The following BOLL variants were observed in gnomAD, a reference collection of about 807,000 sequenced individuals.
The protein encoded by BOLL is protein boule-like.
A neutral mutation model predicts 44.4 loss-of-function variants in BOLL; 23 were observed. The observed-to-expected ratio is 0.52, with a 90% CI of 0.37 to 0.73. The LOEUF is 0.73. Among genes scored for constraint, BOLL ranks in the 30% least tolerant of loss-of-function variants. The probability of loss-of-function intolerance (pLI) is 0.00; values close to 1 mark genes in which losing one functional copy is unlikely to be tolerated. For missense variants in BOLL, 287 were observed against 338.3 expected (o/e 0.85, Z 1.19); for synonymous variants, 97 against 110.8 (o/e 0.88, Z 0.78).
intron 9 of BOLL, among the ~76,000 whole-genome samples, chr2:197,752,264 AC>A (rs1688297191): frequency 2.0e-5 from 3 of 152,200 alleles, no homozygotes; most frequent in African/African-American, 7.2e-5. Context: ...TTCTCTCATC[AC>A]TCCTATTCAA....
intron 7 of BOLL, among the ~76,000 whole-genome samples, chr2:197,764,075 A>G (rs1688881958): frequency 6.6e-6 from 1 of 152,228 alleles, no homozygotes; most frequent in South Asian, 2.1e-4. Context: ...GGGAACTCTT[A>G]TACACTGTTA....
intron 10 of BOLL, among the ~76,000 whole-genome samples, chr2:197,734,543 A>C (rs969822135): frequency 1.3e-5 from 2 of 152,196 alleles, no homozygotes; most frequent in Non-Finnish European, 2.9e-5. Context: ...ACAATAGCAA[A>C]GACTTGGAAC....
In BOLL at chr2:197,749,437, C is replaced by T. The variant is rs928010413; in HGVS notation, c.730-6278G>A. Reference sequence around the variant, plus strand: ...TTCAGAGGTGGGTAATAAACTCTTCCGAGCTAAAGGCGCATGTTCTAACCC... The same window carrying T: ...TTCAGAGGTGGGTAATAAACTCTTCTGAGCTAAAGGCGCATGTTCTAACCC... On this transcript the variant is annotated intron_variant, in intron 9 of 10. Coordinates refer to ENST00000392296, the MANE Select transcript of BOLL (RefSeq NM_033030.6). 5.3e-5 allele frequency among the ~76,000 whole-genome samples: 8 copies of T among 151,848 alleles called. No homozygotes were observed. In the East Asian group the frequency reaches 1.2e-3, roughly 22 times the overall value.
At chr2:197,783,000 A>G (rs1689862449) in intron 1 of BOLL, among the ~76,000 whole-genome samples, 2 of 152,176 alleles carry the variant, frequency 1.3e-5, no homozygotes, top group African/African-American at 4.8e-5. Flanking sequence ...CTTTTAAGGT[A>G]TAACTGAAAA....
chr2:197,770,110 G>A lies in BOLL; in HGVS notation c.480+1745C>T, dbSNP rs539999561. Among the ~76,000 whole-genome samples the A allele has an allele frequency of 3.3e-5, 5 of 152,224 alleles. No individual in the cohort carries two copies. In the East Asian group the frequency reaches 7.7e-4, roughly 23 times the overall value. ...AGCTGACTTCAAACTATACTACAAG[G>A]CTACAGTAACCAAAACAGCATAGTA... On this transcript the variant is annotated intron_variant, in intron 6 of 10. Transcript: ENST00000392296.
At chr2:197,772,265 A>G (rs1689301647) in intron 5 of BOLL, among the ~76,000 whole-genome samples, 1 of 152,082 alleles carries the variant, frequency 6.6e-6, no homozygotes, top group Non-Finnish European at 1.5e-5. Context: ...TTCCAACACC[A>G]GTATGCTACA....
At chr2:197,777,211 C>A in intron 3 of BOLL, 98 bp from the exon 4 acceptor site, 1 of 731,470 alleles carries the variant, frequency 1.4e-6, no homozygotes, top group Non-Finnish European at 2.0e-6. Context: ...AAATCATCGG[C>A]CACTGTAGGA....
intron 7 of BOLL, chr2:197,759,028 T>C: frequency 6.5e-7 from 1 of 1,529,564 alleles, no homozygotes; most frequent in Non-Finnish European, 8.8e-7. Context: ...AAGAGAGGCA[T>C]GATGTCAGCA....
intron 8 of BOLL, 86 bp from the exon 9 acceptor site, chr2:197,756,642 A>G (rs1282213493): frequency 7.7e-7 from 1 of 1,304,178 alleles, no homozygotes; most frequent in Non-Finnish European, 1.0e-6. Flanking sequence ...TGAGAGAAGT[A>G]CTTGTTTTTT....
At chr2:197,784,984 T>G in intron 1 of BOLL, 72 bp downstream of exon 1, 1 of 985,866 alleles carries the variant, frequency 1.0e-6, no homozygotes. Context: ...CACTGGCCCC[T>G]CCCCTTGAGA....
intron 8 of BOLL, 49 bp downstream of exon 8, chr2:197,757,304 A>G (rs749062588): frequency 2.6e-6 from 4 of 1,509,734 alleles, no homozygotes; most frequent in Non-Finnish European, 2.7e-6. Context: ...CATCACAAGA[A>G]TATAATGAAA....
intron 7 of BOLL, among the ~76,000 whole-genome samples, chr2:197,763,787 T>C (rs1231868135): frequency 1.3e-5 from 2 of 152,160 alleles, no homozygotes; most frequent in East Asian, 3.9e-4. Context: ...AAACTACTTA[T>C]CTGACACAGA....
intron 5 of BOLL, chr2:197,774,945 C>G (rs532430519): frequency 2.0e-5 from 3 of 151,748 alleles, no homozygotes; most frequent in African/African-American, 7.3e-5. Context: ...ATATAATAAC[C>G]TAATGTTTTA....
intron 7 of BOLL, chr2:197,758,923 C>T (rs979258748): frequency 6.5e-7 from 1 of 1,530,872 alleles, no homozygotes. Flanking sequence ...TAAATGTTAG[C>T]CAGGGGAGCA....
intron 10 of BOLL, among the ~76,000 whole-genome samples, chr2:197,730,781 C>G (rs945266728): frequency 1.3e-5 from 2 of 151,930 alleles, no homozygotes; most frequent in Non-Finnish European, 2.9e-5. Context: ...TTTGTCACCA[C>G]CAGGCCTGCC....
chr2:197,739,353 T>C (rs1162254305), intron 10 of BOLL, among the ~76,000 whole-genome samples: 1 of 152,142 alleles, frequency 6.6e-6, no homozygotes, highest in Non-Finnish European at 1.5e-5. Context: ...CCTTGAACCT[T>C]TGGGCTCAAG....
intron 1 of BOLL, among the ~76,000 whole-genome samples, chr2:197,783,575 A>G (rs1053678960): frequency 2.0e-5 from 3 of 152,240 alleles, no homozygotes; most frequent in African/African-American, 7.2e-5. Context: ...ATAAGGGAAT[A>G]TGTAAATACT....
At chr2:197,763,451 T>C (rs1574846852) in intron 7 of BOLL, among the ~76,000 whole-genome samples, 1 of 135,022 alleles carries the variant, frequency 7.4e-6, no homozygotes. Context: ...CACTGCACAC[T>C]CCAGCCTGGG....
intron 5 of BOLL, among the ~76,000 whole-genome samples, chr2:197,775,061 T>C (rs528238271): frequency 3.9e-4 from 60 of 151,932 alleles, no homozygotes; most frequent in Admixed American, 9.2e-4. Context: ...TTTTAATAAA[T>C]ATTAAAGGTA....
Sources: allele counts gnomAD v4.1 joint callset (sites outside exome capture counted in the v4.1 genomes callset), GRCh38; gene constraint gnomAD v4.1.1; transcripts MANE v1.5; gene names NCBI Gene and HGNC (gene_info 2026-07-23, HGNC 2026-07-21).